MEGF11: variants seen among roughly 807,000 people sequenced by gnomAD.
MEGF11 encodes the protein multiple epidermal growth factor-like domains protein 11.
MEGF11 carries 126 observed loss-of-function variants against 146.6 expected under a neutral mutation model. That is an observed-to-expected ratio of 0.86 (90% CI 0.74 to 1.00). The LOEUF (loss-of-function observed/expected upper bound fraction) is 1.00. Ranked by LOEUF, MEGF11 falls within the 50% of genes least tolerant of loss-of-function variation. The pLI is 0.00. For synonymous variants in MEGF11, 532 were observed against 583.4 expected, an observed-to-expected ratio of 0.91 and a Z score of 1.27; for missense variants, 1,509 against 1,521.2, an observed-to-expected ratio of 0.99 and a Z score of 0.13.
At chr15:65,936,737 T>C (rs981873930) in intron 10 of MEGF11, among the ~76,000 whole-genome samples, 1 of 152,244 alleles carries the variant, frequency 6.6e-6, no homozygotes, top group Admixed American at 6.5e-5. Context: ...CTTACCTGTC[T>C]GGGTTCCCCA....
At position 65,897,970 on chromosome 15, in the gene MEGF11, G is replaced by A; in HGVS notation, c.3387C>T (p.Ser1129=). 6.2e-7 allele frequency: 1 copy of A among 1,613,988 alleles called. No homozygotes were observed. The change falls in exon 26 of 26, where the codon AGC becomes AGT. Residue 1129 remains serine (S), a synonymous_variant. Transcript: ENST00000395614. ...TGTCCTGGGACGGCCCATTGGCAGG[G>A]CTCTGTCTTACTGGGAGGAGGTCAT... is the stretch of plus-strand genomic sequence containing the variant. ...GHYDLLPVRQ[S]PANGPSQDKQ... is the part of the protein sequence containing the mutation.
chr15:66,142,223 C>G (rs546344571), intron 1 of MEGF11, among the ~76,000 whole-genome samples: 36 of 152,158 alleles, frequency 2.4e-4, no homozygotes, highest in Non-Finnish European at 4.9e-4. Flanking sequence ...ACTCCTAGAC[C>G]TCCTTAATTT....
chr15:66,018,568 C>T (rs2082975985), intron 5 of MEGF11, among the ~76,000 whole-genome samples: 1 of 152,184 alleles, frequency 6.6e-6, no homozygotes, highest in African/African-American at 2.4e-5. Context: ...GCCAGCAGCC[C>T]ACGACCGTGA....
chr15:66,043,694 C>G (rs1468971601), intron 5 of MEGF11, among the ~76,000 whole-genome samples: 4 of 152,202 alleles, frequency 2.6e-5, no homozygotes, highest in Non-Finnish European at 4.4e-5. Context: ...GTGACAGGCA[C>G]CAGGAACCTA....
At chr15:66,185,565 C>T (rs1408278983) in intron 1 of MEGF11, among the ~76,000 whole-genome samples, 2 of 152,154 alleles carry the variant, frequency 1.3e-5, no homozygotes, top group South Asian at 2.1e-4. Context: ...AGGGCACACG[C>T]ACTGGCCTGA....
At chr15:66,015,162 C>A (rs757179733) in intron 5 of MEGF11, among the ~76,000 whole-genome samples, 29 of 152,190 alleles carry the variant, frequency 1.9e-4, no homozygotes, top group Non-Finnish European at 3.5e-4. Flanking sequence ...GACCAGGGAG[C>A]CACACGGAGG....
chr15:66,251,061 T>C (rs1244282989), intron 1 of MEGF11, among the ~76,000 whole-genome samples: 1 of 152,182 alleles, frequency 6.6e-6, no homozygotes, highest in Admixed American at 6.5e-5. Context: ...TGCCGGCCGA[T>C]TGCTCACCCT....
chr15:66,121,936 T>C (rs1314357427), intron 3 of MEGF11, among the ~76,000 whole-genome samples: 1 of 152,200 alleles, frequency 6.6e-6, no homozygotes, highest in Non-Finnish European at 1.5e-5. Flanking sequence ...TCATTCATAA[T>C]GCTCACAATA....
At chr15:65,898,294 C>G (rs1402192116) in intron 25 of MEGF11, 200 bp from the exon 26 acceptor site, 10 of 985,280 alleles carry the variant, frequency 1.0e-5, no homozygotes, top group Non-Finnish European at 1.2e-5. Context: ...AGCCTCTCAT[C>G]AACACCAAAG....
At chr15:66,093,996 G>C (rs142718166) in intron 5 of MEGF11, among the ~76,000 whole-genome samples, 1 of 152,294 alleles carries the variant, frequency 6.6e-6, no homozygotes, top group African/African-American at 2.4e-5. Context: ...CTGAGCCTCT[G>C]TGGGCACCCA....
At chr15:66,241,087 G>A (rs2092199060) in intron 1 of MEGF11, among the ~76,000 whole-genome samples, 1 of 152,194 alleles carries the variant, frequency 6.6e-6, no homozygotes, top group Non-Finnish European at 1.5e-5. Context: ...GCACAAGTTG[G>A]ACTGTGTTAT....
intron 7 of MEGF11, 161 bp from the exon 8 acceptor site, chr15:65,970,850 G>GGGCT: frequency 1.3e-6 from 1 of 755,162 alleles, no homozygotes; most frequent in Non-Finnish European, 2.1e-6. Flanking sequence ...AGAGATGGGA[G>GGGCT]ATGGGAGACT....
intron 1 of MEGF11, among the ~76,000 whole-genome samples, chr15:66,174,020 C>T (rs1238346591): frequency 6.6e-6 from 1 of 152,228 alleles, no homozygotes; most frequent in Non-Finnish European, 1.5e-5. Context: ...GCAGAATCCT[C>T]TCCCTGTGTT....
chr15:66,199,762 C>T (rs757383973), intron 1 of MEGF11, among the ~76,000 whole-genome samples: 15 of 152,040 alleles, frequency 9.9e-5, no homozygotes, highest in Non-Finnish European at 2.1e-4. Context: ...GCACTTCAGC[C>T]TGGGCAACAG....
intron 10 of MEGF11, among the ~76,000 whole-genome samples, chr15:65,935,900 C>G (rs892197665): frequency 6.6e-6 from 1 of 152,182 alleles, no homozygotes; most frequent in African/African-American, 2.4e-5. Flanking sequence ...GTATAATTGA[C>G]TGGCCAGTCT....
intron 8 of MEGF11, chr15:65,965,399 A>C: frequency 2.6e-6 from 1 of 391,142 alleles, no homozygotes; most frequent in Non-Finnish European, 4.5e-6. Context: ...AATTTTTAAA[A>C]ATTAAAGTTG....
At chr15:66,056,931 A>G (rs1274972126) in intron 5 of MEGF11, among the ~76,000 whole-genome samples, 4 of 152,254 alleles carry the variant, frequency 2.6e-5, no homozygotes, top group Non-Finnish European at 5.9e-5. Context: ...AAATTAATTC[A>G]GTCCTCAATG....
intron 5 of MEGF11, among the ~76,000 whole-genome samples, chr15:66,048,130 G>C (rs924712500): frequency 1.3e-5 from 2 of 152,144 alleles, no homozygotes; most frequent in Non-Finnish European, 2.9e-5. Context: ...ATTTTTAGTA[G>C]AGGCAGGGTT....
chr15:65,924,478 C>T (rs1410091356), intron 13 of MEGF11, among the ~76,000 whole-genome samples: 1 of 151,992 alleles, frequency 6.6e-6, no homozygotes, highest in East Asian at 1.9e-4. Context: ...GGTTCAGGTG[C>T]CCAAGAGGTG....
Sources: allele counts gnomAD v4.1 joint callset (sites outside exome capture counted in the v4.1 genomes callset), GRCh38; gene constraint gnomAD v4.1.1; transcripts MANE v1.5; gene names NCBI Gene and HGNC (gene_info 2026-07-23, HGNC 2026-07-21).